The following RBFOX1 variants were observed in gnomAD, a reference collection of about 807,000 sequenced individuals.
RBFOX1 encodes the protein RNA binding protein fox-1 homolog 1.
Under a neutral mutation model 57.7 loss-of-function variants are expected in RBFOX1, and 8 were observed. The ratio of observed to expected loss-of-function variants is 0.14; its 90% CI spans 0.08 to 0.25. The LOEUF (loss-of-function observed/expected upper bound fraction) is 0.25. Ranked by LOEUF, RBFOX1 falls within the 10% of genes least tolerant of loss-of-function variation. The pLI is 1.00. For missense variants in RBFOX1, 611 were observed against 548.5 expected, an observed-to-expected ratio of 1.11 and a Z score of -1.14; for synonymous variants, 326 against 222.4, an observed-to-expected ratio of 1.47 and a Z score of -4.15.
intron 4 of RBFOX1, among the ~76,000 whole-genome samples, chr16:7,300,246 T>C (rs1057110723): frequency 6.6e-6 from 1 of 152,036 alleles, no homozygotes; most frequent in Non-Finnish European, 1.5e-5. Flanking sequence ...ATGTAAACTG[T>C]CTAATGTCAG....
intron 4 of RBFOX1, among the ~76,000 whole-genome samples, chr16:7,278,015 C>G (rs1045761329): frequency 1.3e-5 from 2 of 151,572 alleles, no homozygotes; most frequent in Non-Finnish European, 2.9e-5. Flanking sequence ...CTGTCAGTTC[C>G]TTATTGGTGG....
At chr16:5,372,004 G>T (rs1170083489) in intron 1 of RBFOX1, among the ~76,000 whole-genome samples, 1 of 152,188 alleles carries the variant, frequency 6.6e-6, no homozygotes, top group South Asian at 2.1e-4. Context: ...TCCTCATAAG[G>T]GGGGAATCCT....
chr16:5,503,278 C>T (rs981562165), intron 2 of RBFOX1, among the ~76,000 whole-genome samples: 6 of 152,190 alleles, frequency 3.9e-5, no homozygotes, highest in South Asian at 4.1e-4. Context: ...TCTGGTATTA[C>T]GGACAGAGAG....
intron 2 of RBFOX1, among the ~76,000 whole-genome samples, chr16:6,604,432 C>G (rs567668307): frequency 6.6e-6 from 1 of 152,166 alleles, no homozygotes; most frequent in Admixed American, 6.6e-5. Flanking sequence ...CCATCTCAGC[C>G]TCCTGAATAG....
At position 7,648,163 on chromosome 16, in the gene RBFOX1, A is replaced by T. The variant is rs965054678; in HGVS notation, c.758-5652A>T. 7.9e-5 allele frequency among the ~76,000 whole-genome samples: 12 copies of T among 152,330 alleles called. 1 individual carries two copies. In the Middle Eastern group the frequency reaches 0.017, roughly 216 times the overall value. Reference sequence around the variant, plus strand: ...GCCCTTGAAATGGATTATTCGTGTTAGTGGCATGCGAAGAAGCCATGTTGT... The same window carrying T: ...GCCCTTGAAATGGATTATTCGTGTTTGTGGCATGCGAAGAAGCCATGTTGT... On this transcript the variant is annotated intron_variant, in intron 11 of 15. Coordinates refer to ENST00000550418, the MANE Select transcript of RBFOX1 (RefSeq NM_018723.4).
chr16:7,122,014 T>A (rs371167955), intron 4 of RBFOX1, among the ~76,000 whole-genome samples: 1 of 152,144 alleles, frequency 6.6e-6, no homozygotes, highest in East Asian at 1.9e-4. Context: ...TCAAAATGGA[T>A]CATAGATCTA....
intron 1 of RBFOX1, among the ~76,000 whole-genome samples, chr16:6,078,548 A>G (rs114448093): frequency 0.015 from 2,214 of 152,184 alleles, 57 homozygotes; most frequent in African/African-American, 0.051. Flanking sequence ...AACTCTACTC[A>G]TTTCTACCTA....
chr16:6,468,548 A>T (rs1461369947), intron 2 of RBFOX1, among the ~76,000 whole-genome samples: 1 of 152,174 alleles, frequency 6.6e-6, no homozygotes, highest in Admixed American at 6.5e-5. Flanking sequence ...CTTCTGTTTT[A>T]TTCAAAATTC....
intron 3 of RBFOX1, among the ~76,000 whole-genome samples, chr16:5,849,197 G>C (rs1262717498): frequency 6.6e-6 from 1 of 152,062 alleles, no homozygotes; most frequent in African/African-American, 2.4e-5. Context: ...TCAAGCAAAT[G>C]CATTAACTCA....
At chr16:6,652,256 C>G (rs373233638) in intron 2 of RBFOX1, among the ~76,000 whole-genome samples, 2 of 152,118 alleles carry the variant, frequency 1.3e-5, no homozygotes, top group Non-Finnish European at 2.9e-5. Context: ...CGAGAGCATC[C>G]TGGCCAATAT....
intron 2 of RBFOX1, among the ~76,000 whole-genome samples, chr16:6,449,484 T>G (rs888826394): frequency 4.9e-4 from 74 of 152,320 alleles, no homozygotes; most frequent in Non-Finnish European, 4.9e-4. Flanking sequence ...TTTCTGTTGA[T>G]GGAGTCTAAG....
intron 4 of RBFOX1, among the ~76,000 whole-genome samples, chr16:5,907,572 A>G (rs1334112188): frequency 1.3e-5 from 2 of 152,074 alleles, no homozygotes; most frequent in Non-Finnish European, 1.5e-5. Flanking sequence ...ACTGAGTACC[A>G]CACATATGTC....
At chr16:7,492,497 A>G (rs1567482058) in intron 4 of RBFOX1, among the ~76,000 whole-genome samples, 1 of 152,234 alleles carries the variant, frequency 6.6e-6, no homozygotes, top group Non-Finnish European at 1.5e-5. Context: ...CCTGTCTCAT[A>G]TGACAGCCAC....
chr16:6,629,232 G>T (rs1017573711), intron 2 of RBFOX1, among the ~76,000 whole-genome samples: 8 of 152,156 alleles, frequency 5.3e-5, no homozygotes, highest in Admixed American at 2.0e-4. Context: ...GGCAATTACA[G>T]GCCTAGGGAA....
chr16:6,675,073 T>A (rs1296764191), intron 3 of RBFOX1, among the ~76,000 whole-genome samples: 1 of 151,874 alleles, frequency 6.6e-6, no homozygotes, highest in Non-Finnish European at 1.5e-5. Flanking sequence ...ACCCACTAAT[T>A]TTTGTATTTT....
At chr16:7,068,350 C>A (rs1288070307) in intron 4 of RBFOX1, among the ~76,000 whole-genome samples, 1 of 152,074 alleles carries the variant, frequency 6.6e-6, no homozygotes, top group Non-Finnish European at 1.5e-5. Flanking sequence ...TGGGATGGTC[C>A]ACCTCCATTT....
chr16:5,778,657 C>T (rs982491139), intron 3 of RBFOX1, among the ~76,000 whole-genome samples: 1 of 152,200 alleles, frequency 6.6e-6, no homozygotes, highest in African/African-American at 2.4e-5. Flanking sequence ...CATCTGTCCA[C>T]AGCCAGGTGT....
At chr16:5,380,544 A>C (rs1360175590) in intron 1 of RBFOX1, among the ~76,000 whole-genome samples, 1 of 152,228 alleles carries the variant, frequency 6.6e-6, no homozygotes, top group African/African-American at 2.4e-5. Flanking sequence ...CAAGCTGCGA[A>C]TAGGACTTAC....
chr16:6,598,966 C>CA (rs1025187146), intron 2 of RBFOX1, among the ~76,000 whole-genome samples: 10 of 143,684 alleles, frequency 7.0e-5, no homozygotes, highest in African/African-American at 2.5e-4. Flanking sequence ...CAAAACAAAA[C>CA]AAACTCCTCT....
Sources: gnomAD v4.1 joint callset for allele counts (sites outside exome capture counted in the v4.1 genomes callset) on GRCh38, gnomAD v4.1.1 for gene constraint, MANE v1.5 for transcripts, NCBI Gene and HGNC (gene_info 2026-07-23, HGNC 2026-07-21) for gene names.